CTNNA2: variants seen among roughly 807,000 people sequenced by gnomAD.
The protein encoded by CTNNA2 is catenin alpha-2.
Under a neutral mutation model 101.0 loss-of-function variants are expected in CTNNA2, and 42 were observed. The observed-to-expected ratio is 0.42, with a 90% CI of 0.32 to 0.54. CTNNA2 has a LOEUF of 0.54. Among genes scored for constraint, CTNNA2 ranks in the 20% least tolerant of loss-of-function variants. The pLI, the probability that CTNNA2 is intolerant of heterozygous loss-of-function variation, is 0.14. For missense variants in CTNNA2, 871 were observed against 1,223.1 expected (o/e 0.71, Z 4.29); for synonymous variants, 450 against 456.4 (o/e 0.99, Z 0.18).
chr2:79,742,672 G>A (rs1177846680), intron 2 of CTNNA2, among the ~76,000 whole-genome samples: 2 of 152,106 alleles, frequency 1.3e-5, no homozygotes, highest in Non-Finnish European at 2.9e-5. Flanking sequence ...CACATGGGTG[G>A]CACTGAAAAG....
At chr2:80,456,456 G>A (rs1477056682) in intron 9 of CTNNA2, among the ~76,000 whole-genome samples, 8 of 152,150 alleles carry the variant, frequency 5.3e-5, no homozygotes, top group Non-Finnish European at 1.0e-4. Flanking sequence ...GGACGCGGAG[G>A]GAGCAGGCGG....
At chr2:79,640,780 T>G (rs1198072436) in intron 1 of CTNNA2, among the ~76,000 whole-genome samples, 2 of 152,214 alleles carry the variant, frequency 1.3e-5, no homozygotes, top group Non-Finnish European at 2.9e-5. Flanking sequence ...AGGGCCTAAC[T>G]CTCTACTATA....
chr2:80,378,664 C>T (rs1331428209), intron 7 of CTNNA2: 1 of 152,054 alleles, frequency 6.6e-6, no homozygotes, highest in African/African-American at 2.4e-5. Context: ...TTAGAAGCAA[C>T]AATAGTTCAT....
upstream of CTNNA2, among the ~76,000 whole-genome samples, chr2:79,509,919 TAA>T (rs1671499024): frequency 6.6e-6 from 1 of 152,152 alleles, no homozygotes; most frequent in African/African-American, 2.4e-5. Flanking sequence ...CTCCAAAAAA[TAA>T]AGTCTATTAA....
chr2:80,337,605 GCA>G (rs1185620817), intron 7 of CTNNA2, among the ~76,000 whole-genome samples: 2 of 151,706 alleles, frequency 1.3e-5, no homozygotes, highest in Non-Finnish European at 2.9e-5. Flanking sequence ...GTGTGTGAGT[GCA>G]CACACACAAA....
rs1675370755 is a variant in CTNNA2 at position 80,292,676 on chromosome 2, C to T, written c.1057-100535C>T. ...TCTGATAGGCCTATGCCAGCATAGTCCTCTTGAGAATGCCTCACCTTCGCA... is the reference window on the plus strand; with the variant it reads ...TCTGATAGGCCTATGCCAGCATAGTTCTCTTGAGAATGCCTCACCTTCGCA... On this transcript the variant is annotated intron_variant, in intron 7 of 18. Transcript: ENST00000402739. 2.0e-5 allele frequency among the ~76,000 whole-genome samples: 3 copies of T among 152,186 alleles called. No homozygotes were observed. In the South Asian group the frequency reaches 6.2e-4, roughly 31 times the overall value.
chr2:80,142,344 T>G (rs1703066528), intron 7 of CTNNA2, among the ~76,000 whole-genome samples: 1 of 152,194 alleles, frequency 6.6e-6, no homozygotes, highest in Non-Finnish European at 1.5e-5. Context: ...ATGCCTCACT[T>G]TCTCTCACTG....
Position 79,469,295 on chromosome 2 carries a change from C to T in CTNNA2, c.-134-35759C>T, listed in dbSNP as rs182635532. Among the ~76,000 whole-genome samples the T allele has an allele frequency of 3.0e-4, 45 of 152,268 alleles. No individual in the cohort carries two copies. The East Asian group carries it at 8.5e-3, about 29-fold the overall frequency. On this transcript the variant is annotated intron_variant, in intron 4 of 21. Coordinates refer to the CTNNA2 transcript ENST00000466387. Reference sequence around the variant, plus strand: ...AAAATCTAGAAGAAATGGATACATTCCTCGACACATACACCCTCCCAAGAC... The same window carrying T: ...AAAATCTAGAAGAAATGGATACATTTCTCGACACATACACCCTCCCAAGAC...
chr2:79,390,646 G>A lies in CTNNA2; in HGVS notation c.-135+16633G>A, dbSNP rs549895802. ...GTAAGTTCCCATTCAAGCAAACCCAGCTAATAGCTATGCAGTAACTAGCCC... is the reference window on the plus strand; with the variant it reads ...GTAAGTTCCCATTCAAGCAAACCCAACTAATAGCTATGCAGTAACTAGCCC... On this transcript the variant is annotated intron_variant, in intron 4 of 21. Coordinates refer to the CTNNA2 transcript ENST00000466387. Among the ~76,000 whole-genome samples the A allele has an allele frequency of 6.6e-5, 10 of 152,258 alleles. No individual in the cohort carries two copies. In the South Asian group the frequency reaches 2.1e-3, roughly 32 times the overall value.
intron 7 of CTNNA2, among the ~76,000 whole-genome samples, chr2:79,977,222 G>GCGCACACACA (rs142876512): frequency 0.013 from 1,941 of 144,798 alleles, 23 homozygotes; most frequent in Non-Finnish European, 0.022. Context: ...GCATATGCAT[G>GCGCACACACA]CACACACACA....
intron 2 of CTNNA2, among the ~76,000 whole-genome samples, chr2:79,257,919 GC>G: frequency 6.6e-6 from 1 of 152,116 alleles, no homozygotes; most frequent in South Asian, 2.1e-4. Flanking sequence ...AATCCCCCTT[GC>G]CCCCTCCTAG....
At chr2:80,580,793 T>A (rs1441983800) in intron 13 of CTNNA2, among the ~76,000 whole-genome samples, 1 of 152,134 alleles carries the variant, frequency 6.6e-6, no homozygotes, top group Non-Finnish European at 1.5e-5. Flanking sequence ...TGCGGGCAGA[T>A]CACTTCAGGC....
chr2:79,847,480 T>C (rs1035050183), intron 3 of CTNNA2, among the ~76,000 whole-genome samples: 2 of 139,384 alleles, frequency 1.4e-5, no homozygotes, highest in African/African-American at 5.6e-5. Context: ...GAGGTGAAGG[T>C]TGTAATGAGC....
At chr2:79,444,780 G>A (rs114227900) in intron 4 of CTNNA2, among the ~76,000 whole-genome samples, 1,747 of 152,192 alleles carry the variant, frequency 0.011, 22 homozygotes, top group Middle Eastern at 0.037. Context: ...TCTGCAAGGA[G>A]GAGAAAGGGA....
At chr2:79,820,189 A>T in intron 3 of CTNNA2, among the ~76,000 whole-genome samples, 1 of 152,344 alleles carries the variant, frequency 6.6e-6, no homozygotes. Context: ...AATGAAGGCT[A>T]TATGGTTAAT....
chr2:80,100,082 C>G (rs1278202292), intron 7 of CTNNA2, among the ~76,000 whole-genome samples: 2 of 151,576 alleles, frequency 1.3e-5, no homozygotes, highest in Non-Finnish European at 2.9e-5. Context: ...GGTGCCTGCC[C>G]CTATGCCCAG....
chr2:79,570,568 A>G (rs917923594), intron 1 of CTNNA2, among the ~76,000 whole-genome samples: 3 of 152,164 alleles, frequency 2.0e-5, no homozygotes, highest in Admixed American at 2.0e-4. Flanking sequence ...TCACACTAGG[A>G]ATAATTGACA....
chr2:79,362,468 G>A (rs942611190), intron 3 of CTNNA2, among the ~76,000 whole-genome samples: 2 of 152,080 alleles, frequency 1.3e-5, no homozygotes, highest in Non-Finnish European at 2.9e-5. Context: ...TAGCAAAAGT[G>A]GACCAAGGGG....
rs368362510 is a variant in CTNNA2, at chr2:80,035,664, A to G, written c.1056+125867A>G. ...TACAGACCATTAAGGCTCCATCTGA[A>G]ATCAAGTATCTTTAAAAAATAAAAA... On this transcript the variant is annotated intron_variant, in intron 7 of 18. Coordinates refer to ENST00000402739, the MANE Select transcript of CTNNA2 (RefSeq NM_001282597.3). 1.8e-4 allele frequency among the ~76,000 whole-genome samples: 27 copies of G among 152,324 alleles called. 1 individual carries two copies. In the South Asian group the frequency reaches 5.6e-3, roughly 32 times the overall value.
Sources: allele counts gnomAD v4.1 joint callset (sites outside exome capture counted in the v4.1 genomes callset), GRCh38; gene constraint gnomAD v4.1.1; transcripts MANE v1.5; gene names NCBI Gene and HGNC (gene_info 2026-07-23, HGNC 2026-07-21).